PRDM6: variants seen among roughly 807,000 people sequenced by gnomAD.
PRDM6 encodes the protein PR/SET domain 6.
PRDM6 carries 25 observed loss-of-function variants against 60.8 expected under a neutral mutation model. The observed-to-expected ratio is 0.41, with a 90% CI of 0.30 to 0.57. PRDM6 has a LOEUF of 0.57. Among genes scored for constraint, PRDM6 ranks in the 20% least tolerant of loss-of-function variants. The pLI, the probability that PRDM6 is intolerant of heterozygous loss-of-function variation, is 0.27. For missense variants in PRDM6, 839 were observed against 821.3 expected, an observed-to-expected ratio of 1.02 and a Z score of -0.26; for synonymous variants, 407 against 357.4, an observed-to-expected ratio of 1.14 and a Z score of -1.57.
intron 3 of PRDM6, among the ~76,000 whole-genome samples, chr5:123,109,964 A>T (rs337134): frequency 2.6e-5 from 4 of 152,190 alleles, no homozygotes; most frequent in Non-Finnish European, 4.4e-5. Context: ...CAGTGTCCAG[A>T]GTATTGTGAC....
intron 7 of PRDM6, among the ~76,000 whole-genome samples, chr5:123,181,911 C>G (rs763451636): frequency 6.6e-6 from 1 of 152,212 alleles, no homozygotes; most frequent in Non-Finnish European, 1.5e-5. Context: ...CCCTCTTCTC[C>G]TCAATAATTA....
At chr5:123,117,400 T>C (rs1217982555) in intron 3 of PRDM6, among the ~76,000 whole-genome samples, 1 of 152,174 alleles carries the variant, frequency 6.6e-6, no homozygotes, top group Non-Finnish European at 1.5e-5. Flanking sequence ...GAGGTACCTT[T>C]GGTTTTTGGC....
intron 3 of PRDM6, among the ~76,000 whole-genome samples, chr5:123,134,383 T>C (rs919645694): frequency 2.0e-5 from 3 of 152,090 alleles, no homozygotes; most frequent in African/African-American, 7.2e-5. Flanking sequence ...AACTAGCATC[T>C]AGAAAAAAAC....
At chr5:123,102,024 C>T (rs1764115276) in intron 3 of PRDM6, among the ~76,000 whole-genome samples, 1 of 152,092 alleles carries the variant, frequency 6.6e-6, no homozygotes, top group South Asian at 2.1e-4. Flanking sequence ...AGAAAAAAGA[C>T]TTGCTGGGTG....
chr5:123,127,327 C>T (rs753695652), intron 3 of PRDM6, among the ~76,000 whole-genome samples: 56 of 152,142 alleles, frequency 3.7e-4, no homozygotes, highest in Non-Finnish European at 5.4e-4. Context: ...CATGAGCCAC[C>T]GTGCCTGGCC....
chr5:123,126,116 C>A (rs1199816888), intron 3 of PRDM6, among the ~76,000 whole-genome samples: 1 of 152,118 alleles, frequency 6.6e-6, no homozygotes, highest in African/African-American at 2.4e-5. Context: ...TGCATAGGGA[C>A]CACGTTGGCA....
At position 123,099,834 on chromosome 5, in the gene PRDM6, T is replaced by C. The variant is rs1187021100; in HGVS notation, c.773T>C (p.Leu258Pro). The C allele has an allele frequency of 6.4e-7, 1 of 1,550,546 alleles. No homozygotes were observed. The highest frequency in any genetic ancestry group is 8.7e-7 in the Non-Finnish European group (1 of 1,146,822). Reference sequence around the variant, plus strand: ...CTCTGCACCAGTACTGTGCCCGGCCTGGCCTACGGCATCTGCGCGGCGCAG... The same window carrying C: ...CTCTGCACCAGTACTGTGCCCGGCCCGGCCTACGGCATCTGCGCGGCGCAG... ...VCLCTSTVPG[L>P]AYGICAAQRI... The change falls in exon 3 of 8, where the codon CTG (leucine) becomes CCG (proline). Residue 258 changes from leucine (L) to proline (P), a missense_variant. Physicochemically the swap from Leu to Pro is moderately conservative, Grantham distance 98 (BLOSUM62 -3). Transcript: ENST00000407847. The surrounding 1 kb of genome is among the most constrained non-coding windows in gnomAD (Gnocchi z 4.0).
intron 2 of PRDM6, 28 bp downstream of exon 2, chr5:123,090,634 T>G: frequency 4.8e-5 from 62 of 1,280,434 alleles, no homozygotes; most frequent in East Asian, 1.3e-4. Context: ...GCGCGCTCTC[T>G]CCCGGGGCGC....
At chr5:123,137,802 A>T (rs1033872590) in intron 3 of PRDM6, among the ~76,000 whole-genome samples, 14 of 152,296 alleles carry the variant, frequency 9.2e-5, no homozygotes, top group African/African-American at 3.4e-4. Flanking sequence ...AATAGAAAAA[A>T]ATAATTTTAG....
At chr5:123,128,982 A>G (rs1281934687) in intron 3 of PRDM6, among the ~76,000 whole-genome samples, 7 of 152,142 alleles carry the variant, frequency 4.6e-5, no homozygotes, top group Admixed American at 2.0e-4. Context: ...TTCTACATAT[A>G]GCTAGCCAGT....
In PRDM6 at chr5:123,170,809, C is replaced by A. The variant is rs118177028; in HGVS notation, c.1197C>A (p.Asp399Glu). The A allele has an allele frequency of 6.4e-7, 1 of 1,551,920 alleles. No homozygotes were observed. Among genetic ancestry groups the A allele is most frequent in the Admixed American group, 2.0e-5 (1 of 50,994 alleles). ...TAATGGAAGCCATGTGCAGACAAGA[C>A]GCCCTGCAGCCCTTCAACAAAAGCA... Reference protein sequence around the residue: ...STVMEAMCRQDALQPFNKSSK... With the variant: ...STVMEAMCRQEALQPFNKSSK... The change falls in exon 6 of 8, where the codon GAC (aspartate) becomes GAA (glutamate). Residue 399 changes from aspartate (D) to glutamate (E), a missense_variant. By Grantham distance (45) the Asp-to-Glu change is conservative. Transcript: ENST00000407847.
intron 3 of PRDM6, among the ~76,000 whole-genome samples, chr5:123,132,569 T>G (rs1328630581): frequency 2.0e-5 from 3 of 152,134 alleles, no homozygotes; most frequent in Admixed American, 6.5e-5. Flanking sequence ...GTGTTGACAT[T>G]TCAGGAAGTC....
intron 6 of PRDM6, among the ~76,000 whole-genome samples, 170 bp from the exon 7 acceptor site, chr5:123,179,977 G>A (rs993037396): frequency 3.3e-5 from 5 of 152,152 alleles, no homozygotes; most frequent in African/African-American, 1.2e-4. Flanking sequence ...TGTGAATTTT[G>A]TTCCTGTGGC....
At position 123,170,907 on chromosome 5, in the gene PRDM6, T is replaced by G. The variant is rs769825977; in HGVS notation, c.1295T>G (p.Leu432Arg). 5 of 1,552,216 alleles carry G rather than the reference T, an allele frequency of 3.2e-6. No homozygotes were observed. The highest frequency in any genetic ancestry group is 4.4e-6 in the Non-Finnish European group (5 of 1,147,098). Residue 432 changes from leucine (L) to arginine (R), a missense_variant, in exon 6 of 8, where the codon CTT (leucine) becomes CGT (arginine). By Grantham distance (102) the Leu-to-Arg change is moderately radical (BLOSUM62 -2). Coordinates refer to ENST00000407847, the MANE Select transcript of PRDM6 (RefSeq NM_001136239.4). ...ACTCCGTGCAGCAGGAACTTCTCTC[T>G]TCTGGATAAGTCTGGGCCCATTGAA... is the stretch of plus-strand genomic sequence containing the variant. ...PQTPCSRNFS[L>R]LDKSGPIESG...
rs796296281 is a variant in PRDM6, at chr5:123,192,305, T to A, written c.*5104T>A. ...TCATATATGCTTAACAGTTTTAGCT[T>A]TGTAGCTTCTTTAGTTTTTTTCCTC... On this transcript the variant is annotated 3_prime_UTR_variant, in exon 8 of 8. Coordinates refer to ENST00000407847, the MANE Select transcript of PRDM6 (RefSeq NM_001136239.4). 27 of 152,362 alleles carry A rather than the reference T, an allele frequency of 1.8e-4. No individual in the cohort carries two copies. Among genetic ancestry groups the A allele is most frequent in the African/African-American group, 6.5e-4 (27 of 41,592 alleles). The allele number at this position is 152,362 out of a possible 1,614,324, so 9.4% of individuals were successfully genotyped here.
rs1031297961 is a variant in PRDM6, at chr5:123,090,070, A to ACCT, written c.57_59dup (p.Leu20dup). On this transcript the variant is annotated inframe_insertion, in exon 2 of 8. Coordinates refer to ENST00000407847, the MANE Select transcript of PRDM6 (RefSeq NM_001136239.4). ...GCCTTCCTCAAAGTGGACCCAGCCT[A>ACCT]CCTGCAGCACTGGCAGCAACTCTTC... is the stretch of plus-strand genomic sequence containing the variant. The ACCT allele has an allele frequency of 1.3e-6, 2 of 1,547,886 alleles. No individual in the cohort carries two copies. Among genetic ancestry groups the ACCT allele is most frequent in the Non-Finnish European group, 1.7e-6 (2 of 1,145,924 alleles).
rs1766380714 is a variant in PRDM6, at chr5:123,190,211, G to GCCC, written c.*3010_*3011insCCC. The GCCC allele has an allele frequency of 6.6e-6, 1 of 152,084 alleles. No homozygotes were observed. The allele number at this position is 152,084 out of a possible 1,614,324, so 9.4% of individuals were successfully genotyped here. On this transcript the variant is annotated 3_prime_UTR_variant, in exon 8 of 8. Coordinates refer to ENST00000407847, the MANE Select transcript of PRDM6 (RefSeq NM_001136239.4). ...AATAATAATAATTTTTTCAGAATAAGACTTTTCATCCTAGCGTATGTTCCT... is the reference window on the plus strand; with the variant it reads ...AATAATAATAATTTTTTCAGAATAAGCCCACTTTTCATCCTAGCGTATGTTCCT...
chr5:123,097,623 A>C (rs985019841), intron 2 of PRDM6, among the ~76,000 whole-genome samples: 1 of 151,828 alleles, frequency 6.6e-6, no homozygotes, highest in Non-Finnish European at 1.5e-5. Flanking sequence ...AATGTCTTGA[A>C]GTTTTTATTT....
At chr5:123,161,833 T>G (rs1054579294) in intron 5 of PRDM6, among the ~76,000 whole-genome samples, 1 of 152,058 alleles carries the variant, frequency 6.6e-6, no homozygotes, top group Non-Finnish European at 1.5e-5. Context: ...TTTGACTGAA[T>G]TTTTTTCAGG....
Sources: allele counts gnomAD v4.1 joint callset (sites outside exome capture counted in the v4.1 genomes callset), GRCh38; gene constraint gnomAD v4.1.1; non-coding constraint Gnocchi (gnomAD v3.1); transcripts MANE v1.5; gene names NCBI Gene and HGNC (gene_info 2026-07-23, HGNC 2026-07-21).